MIB1: variants seen among roughly 807,000 people sequenced by gnomAD.
The protein encoded by MIB1 is E3 ubiquitin-protein ligase MIB1.
In MIB1, 278 loss-of-function variants were observed where a neutral mutation model predicts 124.5. The observed-to-expected ratio is 2.23, with a 90% CI of 2.02 to 2.47. The LOEUF is 2.47. Ranked by LOEUF, MIB1 falls within the 30% of genes most tolerant of loss-of-function variation. The probability of loss-of-function intolerance (pLI) is 0.00; values close to 1 mark genes in which losing one functional copy is unlikely to be tolerated. For synonymous variants in MIB1, 446 were observed against 429.4 expected (o/e 1.04, Z -0.48); for missense variants, 957 against 1,254.4 (o/e 0.76, Z 3.58).
intron 10 of MIB1, among the ~76,000 whole-genome samples, chr18:21,808,635 G>T (rs2041735049): frequency 6.6e-6 from 1 of 152,054 alleles, no homozygotes; most frequent in African/African-American, 2.4e-5. Flanking sequence ...AGCTCTTTTG[G>T]AAAGTTGATT....
chr18:21,741,665 A>T lies in MIB1; in HGVS notation c.82A>T (p.Lys28Ter). The change falls in exon 1 of 21, where the codon AAG becomes TAG. Residue 28 changes from lysine (K) to a stop codon, truncating the protein, a stop_gained. Coordinates refer to ENST00000261537, the MANE Select transcript of MIB1 (RefSeq NM_020774.4). LOFTEE classifies it high-confidence loss of function. This position sits in a 1 kb window ranked among gnomAD's most constrained non-coding sequence, Gnocchi z 5.4. ...GCGCGGCCCGGACTGGAAGTGGGGG[A>T]AGCAGGACGGCGGCGAGGGCCATGT... is the stretch of plus-strand genomic sequence containing the variant. ...VVRGPDWKWG[K>*]QDGGEGHVGT... The T allele has an allele frequency of 4.3e-6, 7 of 1,610,714 alleles. No homozygotes were observed. Among genetic ancestry groups the T allele is most frequent in the Non-Finnish European group, 5.9e-6 (7 of 1,179,126 alleles).
At chr18:21,752,998 A>G (rs1052439555) in intron 1 of MIB1, among the ~76,000 whole-genome samples, 3 of 142,522 alleles carry the variant, frequency 2.1e-5, no homozygotes, top group Non-Finnish European at 3.1e-5. Flanking sequence ...TCAAAGGGCT[A>G]ACATAGATAC....
chr18:21,777,498 T>A (rs1050493191), intron 4 of MIB1, among the ~76,000 whole-genome samples: 3 of 152,182 alleles, frequency 2.0e-5, no homozygotes, highest in Non-Finnish European at 4.4e-5. Context: ...CTATTATAAT[T>A]ATTTATTAAT....
intron 1 of MIB1, among the ~76,000 whole-genome samples, chr18:21,759,923 A>T (rs559232780): frequency 6.6e-6 from 1 of 152,294 alleles, no homozygotes; most frequent in South Asian, 2.1e-4. Flanking sequence ...TACTATTTTC[A>T]TAAAATTTTC....
intron 6 of MIB1, among the ~76,000 whole-genome samples, chr18:21,784,470 C>T (rs2041410647): frequency 6.6e-6 from 1 of 152,082 alleles, no homozygotes; most frequent in East Asian, 1.9e-4. Context: ...AGACCGAGGG[C>T]ACAAGCTGTT....
At chr18:21,724,727 A>T (rs12965764) in intron 1 of MIB1, among the ~76,000 whole-genome samples, 494 of 17,112 alleles carry the variant, frequency 0.029, 13 homozygotes, top group Middle Eastern at 0.05. Context: ...AAAAAAAAAA[A>T]ATATATATAT....
intron 18 of MIB1, among the ~76,000 whole-genome samples, chr18:21,856,609 C>T (rs1466417229): frequency 6.6e-6 from 1 of 152,122 alleles, no homozygotes; most frequent in Non-Finnish European, 1.5e-5. Context: ...TAGCTAATGC[C>T]TGCAGGGCCT....
intron 4 of MIB1, among the ~76,000 whole-genome samples, chr18:21,776,665 C>T (rs997533217): frequency 1.3e-5 from 2 of 152,110 alleles, no homozygotes; most frequent in Non-Finnish European, 2.9e-5. Flanking sequence ...TGTTAGTTAA[C>T]CAGGTTATGG....
intron 1 of MIB1, among the ~76,000 whole-genome samples, chr18:21,727,192 T>C (rs1441884309): frequency 6.6e-6 from 1 of 151,496 alleles, no homozygotes; most frequent in African/African-American, 2.4e-5. Flanking sequence ...TCACTGCAAC[T>C]TCTACCTCCC....
intron 1 of MIB1, among the ~76,000 whole-genome samples, chr18:21,764,075 A>G (rs2041128830): frequency 1.3e-5 from 2 of 152,150 alleles, no homozygotes; most frequent in Non-Finnish European, 2.9e-5. Flanking sequence ...TGGATGAATC[A>G]GTAGCCACTC....
Sources: gnomAD v4.1 joint callset for allele counts (sites outside exome capture counted in the v4.1 genomes callset) on GRCh38, gnomAD v4.1.1 for gene constraint, Gnocchi (gnomAD v3.1) non-coding constraint, MANE v1.5 for transcripts, NCBI Gene and HGNC (gene_info 2026-07-23, HGNC 2026-07-21) for gene names.